The following SHPRH variants were observed in gnomAD, a reference collection of about 807,000 sequenced individuals.
The protein encoded by SHPRH is SNF2 histone linker PHD RING helicase, also known as E3 ubiquitin-protein ligase SHPRH.
SHPRH carries 106 observed loss-of-function variants against 202.5 expected under a neutral mutation model. That is an observed-to-expected ratio of 0.52 (90% confidence interval 0.45 to 0.62). The LOEUF (loss-of-function observed/expected upper bound fraction) is 0.62, where lower values mean the gene tolerates loss of function less well. Ranked by LOEUF, SHPRH falls within the 20% of genes least tolerant of loss-of-function variation. The pLI is 0.00. For synonymous variants in SHPRH, 729 were observed against 686.0 expected (o/e 1.06, Z -0.98); for missense variants, 1,710 against 2,020.0 (o/e 0.85, Z 2.94).
intron 2 of SHPRH, among the ~76,000 whole-genome samples, chr6:145,953,710 G>A (rs986275887): frequency 6.6e-6 from 1 of 152,010 alleles, no homozygotes; most frequent in Non-Finnish European, 1.5e-5. Flanking sequence ...AGTTTACAAA[G>A]TATACTTTCT....
chr6:145,901,108 T>C (rs1373762004), intron 25 of SHPRH, among the ~76,000 whole-genome samples: 1 of 152,138 alleles, frequency 6.6e-6, no homozygotes, highest in African/African-American at 2.4e-5. Context: ...CAATATTTCA[T>C]TTGACAGTTA....
intron 28 of SHPRH, among the ~76,000 whole-genome samples, chr6:145,892,251 C>T (rs1583310574): frequency 6.6e-6 from 1 of 152,126 alleles, no homozygotes; most frequent in Non-Finnish European, 1.5e-5. Context: ...CTCTCTTTGG[C>T]TGTGTGAATA....
intron 17 of SHPRH, among the ~76,000 whole-genome samples, chr6:145,924,163 C>G (rs749350326): frequency 1.3e-5 from 2 of 151,928 alleles, no homozygotes; most frequent in Admixed American, 6.6e-5. Context: ...TAATCTTTAA[C>G]TAACTGAACC....
chr6:145,887,035 C>T (rs372097020), intron 29 of SHPRH, among the ~76,000 whole-genome samples: 12 of 152,114 alleles, frequency 7.9e-5, no homozygotes, highest in African/African-American at 2.9e-4. Context: ...AAGAATAAAA[C>T]TCTTGACTAC....
chr6:145,889,043 A>G (rs889339609), intron 28 of SHPRH, among the ~76,000 whole-genome samples: 6 of 152,172 alleles, frequency 3.9e-5, no homozygotes, highest in African/African-American at 1.4e-4. Context: ...TGTGAAACCT[A>G]TCAGATACCT....
At chr6:145,929,167 TA>T (rs539163979) in intron 14 of SHPRH, among the ~76,000 whole-genome samples, 38 of 151,164 alleles carry the variant, frequency 2.5e-4, no homozygotes, top group Non-Finnish European at 4.3e-4. Flanking sequence ...TGAGGAAGAT[TA>T]AAAAAAAACC....
chr6:145,901,943 G>GT, intron 25 of SHPRH, among the ~76,000 whole-genome samples: 1 of 152,120 alleles, frequency 6.6e-6, no homozygotes, highest in South Asian at 2.1e-4. Context: ...CTCACTGACT[G>GT]TATCTTTGCC....
chr6:145,859,181 T>G, the SHPRH span, among the ~76,000 whole-genome samples: 1 of 152,040 alleles, frequency 6.6e-6, no homozygotes, highest in East Asian at 1.9e-4. Flanking sequence ...GTCTAACCAA[T>G]TTTGAAGAAA....
At chr6:145,959,329 C>A (rs150932212) in intron 1 of SHPRH, among the ~76,000 whole-genome samples, 1 of 152,220 alleles carries the variant, frequency 6.6e-6, no homozygotes, top group African/African-American at 2.4e-5. Context: ...TATACCATAT[C>A]TTTATTGTAC....
chr6:145,923,171 A>G (rs562828875), intron 18 of SHPRH, among the ~76,000 whole-genome samples: 80 of 151,898 alleles, frequency 5.3e-4, no homozygotes, highest in Non-Finnish European at 1.0e-3. Flanking sequence ...CCTTCCTGAC[A>G]TCCTTGCTCT....
chr6:145,907,046 T>C (rs1783027088), intron 25 of SHPRH: 1 of 152,142 alleles, frequency 6.6e-6, no homozygotes, highest in South Asian at 2.1e-4. Flanking sequence ...CAAACTTTTC[T>C]ATTAGTGACT....
At position 145,900,062 on chromosome 6, in the gene SHPRH, A is replaced by G. The variant is rs567515186; in HGVS notation, c.4516-5085T>C. On this transcript the variant is annotated intron_variant, in intron 25 of 29. Coordinates refer to ENST00000275233, the MANE Select transcript of SHPRH (RefSeq NM_001042683.3). ...CTTGTACACCATTGGTGGCAATACA[A>G]ATTAGTAGAGCCATTTTGGAAAATA... Among the ~76,000 whole-genome samples, 68 of 152,276 alleles carry G rather than the reference A, an allele frequency of 4.5e-4. 2 individuals carry two copies. Among genetic ancestry groups the G allele is most frequent in the African/African-American group, 1.6e-3 (66 of 41,570 alleles).
intron 3 of SHPRH, chr6:145,951,715 G>A (rs547668189): frequency 2.9e-4 from 130 of 444,906 alleles, no homozygotes; most frequent in Non-Finnish European, 5.4e-4. Flanking sequence ...AATAACAATC[G>A]AAGTTAGAAA....
intron 25 of SHPRH, chr6:145,903,673 A>C (rs1782700500): frequency 6.6e-6 from 1 of 152,208 alleles, no homozygotes; most frequent in Non-Finnish European, 1.5e-5. Flanking sequence ...TGCTGTCACT[A>C]TATCTATGTA....
intron 16 of SHPRH, among the ~76,000 whole-genome samples, chr6:145,925,584 G>C (rs1371477026): frequency 6.6e-6 from 1 of 151,670 alleles, no homozygotes; most frequent in African/African-American, 2.4e-5. Context: ...CTCAAATAAA[G>C]CCTCCACTTA....
Position 145,896,188 on chromosome 6 carries a change from T to C in SHPRH, c.4516-1211A>G, listed in dbSNP as rs1781998300. On this transcript the variant is annotated intron_variant, in intron 25 of 29. Coordinates refer to ENST00000275233, the MANE Select transcript of SHPRH (RefSeq NM_001042683.3). The stretch of plus-strand genomic sequence containing the variant: ...AAAATCCTCATGCTAAAATCATGAT[T>C]CTACACTTATTTTCTCTGGGTATGT... Among the ~76,000 whole-genome samples the C allele has an allele frequency of 3.3e-5, 5 of 152,212 alleles. No individual in the cohort carries two copies. In the South Asian group the frequency reaches 1.0e-3, roughly 32 times the overall value.
chr6:145,920,984 CTT>C (rs1415652457), intron 21 of SHPRH, among the ~76,000 whole-genome samples, 181 bp downstream of exon 21: 2 of 151,944 alleles, frequency 1.3e-5, no homozygotes, highest in Non-Finnish European at 2.9e-5. Context: ...AATAGAATGT[CTT>C]TGAGTATTAT....
chr6:145,963,945 T>G lies in SHPRH; in HGVS notation c.-247A>C, dbSNP rs1364894263. 6.6e-6 allele frequency: 1 copy of G among 152,266 alleles called. No individual in the cohort carries two copies. Among genetic ancestry groups the G allele is most frequent in the Admixed American group, 6.5e-5 (1 of 15,288 alleles). The allele number at this position is 152,266 out of a possible 1,614,324, so 9.4% of individuals were successfully genotyped here. ...CAGCCTCCTTTCCCACGACCCCACT[T>G]TATCCCCGGAGGGACGTGGTGGTCC... On this transcript the variant is annotated 5_prime_UTR_variant, in exon 1 of 30. Transcript: ENST00000275233.
chr6:145,914,078 T>C (rs1783731206), intron 23 of SHPRH, among the ~76,000 whole-genome samples: 1 of 152,160 alleles, frequency 6.6e-6, no homozygotes. Flanking sequence ...CCTTTTTACA[T>C]ATAATAAATC....
Sources: allele counts gnomAD v4.1 joint callset (sites outside exome capture counted in the v4.1 genomes callset), GRCh38; gene constraint gnomAD v4.1.1; transcripts MANE v1.5; gene names NCBI Gene and HGNC (gene_info 2026-07-23, HGNC 2026-07-21).